The following RBFOX1 variants were observed in gnomAD, a reference collection of about 807,000 sequenced individuals.
The protein encoded by RBFOX1 is RNA binding fox-1 homolog 1.
A neutral mutation model predicts 57.7 loss-of-function variants in RBFOX1; 8 were observed. The observed-to-expected ratio is 0.14, with a 90% confidence interval of 0.08 to 0.25. RBFOX1 has a LOEUF of 0.25. RBFOX1 is among the 10% of genes least tolerant of loss of function. The pLI is 1.00. For synonymous variants in RBFOX1, 326 were observed against 222.4 expected, an observed-to-expected ratio of 1.47 and a Z score of -4.15; for missense variants, 611 against 548.5, an observed-to-expected ratio of 1.11 and a Z score of -1.14.
At chr16:6,807,635 G>T (rs921187932) in intron 3 of RBFOX1, among the ~76,000 whole-genome samples, 4 of 152,034 alleles carry the variant, frequency 2.6e-5, no homozygotes, top group African/African-American at 9.7e-5. Context: ...GGCGAGCATG[G>T]TGAAAGCCCA....
At chr16:7,659,008 T>C (rs1301780809) in intron 12 of RBFOX1, among the ~76,000 whole-genome samples, 1 of 152,180 alleles carries the variant, frequency 6.6e-6, no homozygotes, top group East Asian at 1.9e-4. Context: ...TACAGGCATG[T>C]GCCACCGCCC....
In RBFOX1 at chr16:6,667,298, C is replaced by A. The variant is rs543789078; in HGVS notation, c.-16+12648C>A. 2.0e-5 allele frequency among the ~76,000 whole-genome samples: 3 copies of A among 152,024 alleles called. No homozygotes were observed. In the East Asian group the frequency reaches 5.8e-4, roughly 29 times the overall value. Reference sequence around the variant, plus strand: ...TGTAATGAAAAGCACTGAGGTAGATCGGGCTATTGGTCTCATACACCTTCA... The same window carrying A: ...TGTAATGAAAAGCACTGAGGTAGATAGGGCTATTGGTCTCATACACCTTCA... On this transcript the variant is annotated intron_variant, in intron 3 of 15. Transcript: ENST00000550418.
At chr16:6,284,106 A>T (rs1368755847) in intron 1 of RBFOX1, among the ~76,000 whole-genome samples, 1 of 152,210 alleles carries the variant, frequency 6.6e-6, no homozygotes, top group African/African-American at 2.4e-5. Context: ...CTCACACAAC[A>T]TCTAGGCCAT....
chr16:5,994,086 G>A (rs1025569502), intron 4 of RBFOX1, among the ~76,000 whole-genome samples: 8 of 152,126 alleles, frequency 5.3e-5, no homozygotes, highest in Non-Finnish European at 8.8e-5. Context: ...AGCTATGGGG[G>A]CTCGTTCGAC....
chr16:7,016,954 C>G (rs2093946378), intron 3 of RBFOX1, among the ~76,000 whole-genome samples: 1 of 152,096 alleles, frequency 6.6e-6, no homozygotes, highest in African/African-American at 2.4e-5. Flanking sequence ...TGTTTTTGTC[C>G]CATCAGTAGT....
intron 5 of RBFOX1, among the ~76,000 whole-genome samples, chr16:7,522,118 A>C (rs916504882): frequency 6.6e-6 from 1 of 152,316 alleles, no homozygotes; most frequent in East Asian, 1.9e-4. Flanking sequence ...ATCCAAATAC[A>C]TGGAATGAAG....
At chr16:7,614,529 G>C (rs1367302526) in intron 10 of RBFOX1, 1 of 152,120 alleles carries the variant, frequency 6.6e-6, no homozygotes, top group African/African-American at 2.4e-5. Context: ...CTGCATTTTT[G>C]AAGTAAATTG....
Position 6,837,627 on chromosome 16 carries a change from ATC to A in RBFOX1, c.-16+182983_-16+182984del, listed in dbSNP as rs1223658437. Among the ~76,000 whole-genome samples, 4 of 152,174 alleles carry A rather than the reference ATC, an allele frequency of 2.6e-5. No individual in the cohort carries two copies. The East Asian group carries it at 7.7e-4, about 29-fold the overall frequency. ...TGTGCAATCTTGGGCAAGTCGCTCA[ATC>A]TCTCTAAGCCTCACTCCCTCATTGA... is the stretch of plus-strand genomic sequence containing the variant. On this transcript the variant is annotated intron_variant, in intron 3 of 15. Coordinates refer to ENST00000550418, the MANE Select transcript of RBFOX1 (RefSeq NM_018723.4).
At chr16:5,868,864 T>A (rs1260009820) in intron 4 of RBFOX1, among the ~76,000 whole-genome samples, 1 of 152,226 alleles carries the variant, frequency 6.6e-6, no homozygotes, top group Non-Finnish European at 1.5e-5. Context: ...AACGGCAGTG[T>A]TTCCTCTGGT....
At chr16:5,407,150 G>A (rs896151955) in intron 1 of RBFOX1, among the ~76,000 whole-genome samples, 1 of 152,108 alleles carries the variant, frequency 6.6e-6, no homozygotes, top group African/African-American at 2.4e-5. Context: ...GAGAGACAGA[G>A]TGAAAAGTGC....
chr16:5,867,442 C>T, intron 4 of RBFOX1: 1 of 808,870 alleles, frequency 1.2e-6, no homozygotes, highest in Non-Finnish European at 1.7e-6. Flanking sequence ...TGTTTCATTT[C>T]CTGGTGGCTT....
intron 5 of RBFOX1, among the ~76,000 whole-genome samples, chr16:7,527,416 C>T (rs1232120696): frequency 1.3e-5 from 2 of 152,074 alleles, no homozygotes; most frequent in Non-Finnish European, 2.9e-5. Flanking sequence ...ATAACTTGGC[C>T]AGGAACAGGA....
At chr16:5,342,598 C>G (rs932715603) in intron 1 of RBFOX1, among the ~76,000 whole-genome samples, 3 of 152,120 alleles carry the variant, frequency 2.0e-5, no homozygotes, top group African/African-American at 7.2e-5. Flanking sequence ...GGAAAGGACT[C>G]AAAAATGCAA....
intron 2 of RBFOX1, among the ~76,000 whole-genome samples, chr16:6,398,021 C>G (rs7205563): frequency 0.37 from 56,420 of 151,996 alleles, 12,870 homozygotes; most frequent in African/African-American, 0.65. Context: ...AAGAGCAAAC[C>G]ATAAACATAA....
chr16:6,541,828 C>A (rs995722629), intron 2 of RBFOX1, among the ~76,000 whole-genome samples: 3 of 152,118 alleles, frequency 2.0e-5, no homozygotes, highest in South Asian at 2.1e-4. Flanking sequence ...AAAAGACTTA[C>A]AAACAACTTT....
At chr16:6,554,988 A>C (rs890756573) in intron 2 of RBFOX1, among the ~76,000 whole-genome samples, 4 of 152,144 alleles carry the variant, frequency 2.6e-5, no homozygotes, top group African/African-American at 9.7e-5. Context: ...TTCCCAAAGG[A>C]ACCAATTTGA....
chr16:7,663,446 C>T (rs2068302505), intron 12 of RBFOX1, among the ~76,000 whole-genome samples: 1 of 152,118 alleles, frequency 6.6e-6, no homozygotes, highest in Admixed American at 6.6e-5. Context: ...CTCTAAGCAG[C>T]ACACTAGAGT....
At chr16:7,336,608 A>T (rs75863108) in intron 4 of RBFOX1, among the ~76,000 whole-genome samples, 11,415 of 152,338 alleles carry the variant, frequency 0.075, 534 homozygotes, top group South Asian at 0.14. Context: ...GTAAACCCCA[A>T]CTATAAGACT....
intron 4 of RBFOX1, among the ~76,000 whole-genome samples, chr16:7,506,994 T>G (rs916722735): frequency 6.6e-6 from 1 of 152,192 alleles, no homozygotes; most frequent in Non-Finnish European, 1.5e-5. Flanking sequence ...AGTAGATTTT[T>G]CCCTCTAAAG....
Sources: allele counts gnomAD v4.1 joint callset (sites outside exome capture counted in the v4.1 genomes callset), GRCh38; gene constraint gnomAD v4.1.1; transcripts MANE v1.5; gene names NCBI Gene and HGNC (gene_info 2026-07-23, HGNC 2026-07-21).